Variants in ITFG1 observed in about 807,000 individuals in gnomAD.
The protein encoded by ITFG1 is T-cell immunomodulatory protein.
ITFG1 carries 34 observed loss-of-function variants against 81.8 expected under a neutral mutation model. The observed-to-expected ratio is 0.42, with a 90% CI of 0.32 to 0.55. ITFG1 has a LOEUF of 0.55. ITFG1 is among the 20% of genes least tolerant of loss of function. The probability of loss-of-function intolerance (pLI) is 0.17; values close to 1 mark genes in which losing one functional copy is unlikely to be tolerated. For missense variants in ITFG1, 672 were observed against 755.4 expected, an observed-to-expected ratio of 0.89 and a Z score of 1.29; for synonymous variants, 285 against 270.6, an observed-to-expected ratio of 1.05 and a Z score of -0.52.
intron 8 of ITFG1, among the ~76,000 whole-genome samples, chr16:47,327,470 C>T (rs1173935046): frequency 1.3e-5 from 2 of 152,100 alleles, no homozygotes; most frequent in East Asian, 1.9e-4. Context: ...CCAAAATTGA[C>T]AAATGGGATC....
At chr16:47,454,201 G>C in intron 2 of ITFG1, 43 bp from the exon 3 acceptor site, 1 of 1,475,242 alleles carries the variant, frequency 6.8e-7, no homozygotes, top group Non-Finnish European at 9.3e-7. Context: ...AAGTTGTAAT[G>C]GAAAAGGACA....
intron 10 of ITFG1, among the ~76,000 whole-genome samples, chr16:47,288,656 C>A (rs1200253651): frequency 2.0e-5 from 3 of 151,932 alleles, no homozygotes; most frequent in Non-Finnish European, 2.9e-5. Flanking sequence ...GTCGCTTAGA[C>A]CAAAGGCCAA....
At chr16:47,267,581 C>G (rs374497260) in intron 10 of ITFG1, among the ~76,000 whole-genome samples, 1 of 151,994 alleles carries the variant, frequency 6.6e-6, no homozygotes, top group East Asian at 1.9e-4. Flanking sequence ...GTTTATTGAC[C>G]ACAACCCAGC....
rs111605574 is a variant in ITFG1, at chr16:47,341,256, A to AAAAT, written c.802+24528_802+24531dup. Among the ~76,000 whole-genome samples, 693 of 150,792 alleles carry AAAAT rather than the reference A, an allele frequency of 4.6e-3. 5 individuals carry two copies. The highest frequency in any genetic ancestry group is 0.01 in the African/African-American group (421 of 40,792). ...AAACAAAGCAAGACCCCATCTGTAA[A>AAAAT]AAATAAATAAATAAATAAATAAATA... On this transcript the variant is annotated intron_variant, in intron 8 of 17. Transcript: ENST00000320640.
intron 5 of ITFG1, among the ~76,000 whole-genome samples, chr16:47,439,458 G>A (rs976370862): frequency 6.6e-6 from 1 of 152,152 alleles, no homozygotes; most frequent in Non-Finnish European, 1.5e-5. Flanking sequence ...ACCCACAAAG[G>A]GAAGGCCATC....
chr16:47,310,537 T>A (rs974479189), intron 10 of ITFG1, among the ~76,000 whole-genome samples: 1 of 152,194 alleles, frequency 6.6e-6, no homozygotes, highest in East Asian at 1.9e-4. Flanking sequence ...CTACATTGGT[T>A]TATCTACTGA....
chr16:47,444,834 A>G (rs916455469), intron 5 of ITFG1, among the ~76,000 whole-genome samples: 1 of 152,148 alleles, frequency 6.6e-6, no homozygotes, highest in South Asian at 2.1e-4. Context: ...CCAATTAATG[A>G]TCTGTCCTGG....
At chr16:47,434,296 GC>G (rs1969134663) in intron 5 of ITFG1, among the ~76,000 whole-genome samples, 1 of 151,526 alleles carries the variant, frequency 6.6e-6, no homozygotes, top group African/African-American at 2.4e-5. Context: ...TAAAATGTTT[GC>G]AATCTATCCA....
chr16:47,226,264 C>T (rs1965755763), intron 13 of ITFG1, among the ~76,000 whole-genome samples: 1 of 152,192 alleles, frequency 6.6e-6, no homozygotes, highest in African/African-American at 2.4e-5. Flanking sequence ...GGCTGGAGTG[C>T]AGCGGTGCAA....
At chr16:47,254,914 C>T (rs1184655895) in intron 12 of ITFG1, among the ~76,000 whole-genome samples, 2 of 152,050 alleles carry the variant, frequency 1.3e-5, no homozygotes, top group Non-Finnish European at 2.9e-5. Flanking sequence ...GGCAAAAACT[C>T]GTCTCTACTA....
At chr16:47,279,379 G>T (rs1190896741) in intron 10 of ITFG1, among the ~76,000 whole-genome samples, 1 of 151,778 alleles carries the variant, frequency 6.6e-6, no homozygotes, top group African/African-American at 2.4e-5. Context: ...AATACCATCT[G>T]TTATAAAGAC....
Position 47,155,640 on chromosome 16 carries a change from C to T in ITFG1, c.*79G>A. 1 of 828,884 alleles carries T rather than the reference C, an allele frequency of 1.2e-6. No individual in the cohort carries two copies. Among genetic ancestry groups the T allele is most frequent in the East Asian group, 2.6e-5 (1 of 39,206 alleles). The allele number at this position is 828,884 out of a possible 1,614,324, so 51.3% of individuals were successfully genotyped here. A position where few individuals can be genotyped will look rare whatever the true frequency, so the allele number is the denominator to read the frequency against. Reference sequence around the variant, plus strand: ...ATCATTTATAAATAATATTTAATCTCCCCTATTTTTTCAAGCCAGAATTTG... The same window carrying T: ...ATCATTTATAAATAATATTTAATCTTCCCTATTTTTTCAAGCCAGAATTTG... On this transcript the variant is annotated 3_prime_UTR_variant, in exon 18 of 18. Coordinates refer to ENST00000320640, the MANE Select transcript of ITFG1 (RefSeq NM_030790.5).
Position 47,241,730 on chromosome 16 carries a change from C to T in ITFG1, c.1331-3722G>A, listed in dbSNP as rs948745420. ...CAGCACTTTGGGAGGCCAAGGCAGG[C>T]GGATCACGAGGTCAGGAAATCGAGA... On this transcript the variant is annotated intron_variant, in intron 12 of 17. Transcript: ENST00000320640. Among the ~76,000 whole-genome samples, 8 of 151,964 alleles carry T rather than the reference C, an allele frequency of 5.3e-5. 1 individual carries two copies. The highest frequency in any genetic ancestry group is 2.0e-4 in the Admixed American group (3 of 15,250).
At chr16:47,459,399 G>A (rs1969493490) in intron 1 of ITFG1, among the ~76,000 whole-genome samples, 1 of 152,142 alleles carries the variant, frequency 6.6e-6, no homozygotes, top group Non-Finnish European at 1.5e-5. Flanking sequence ...GATGAACATG[G>A]GAAAAAGCAG....
chr16:47,321,053 T>C (rs1967440615), intron 8 of ITFG1, among the ~76,000 whole-genome samples: 1 of 152,210 alleles, frequency 6.6e-6, no homozygotes, highest in African/African-American at 2.4e-5. Flanking sequence ...TGATTTCTGA[T>C]TACAGAGTAG....
At chr16:47,377,726 C>T (rs745621979) in intron 6 of ITFG1, among the ~76,000 whole-genome samples, 5 of 152,150 alleles carry the variant, frequency 3.3e-5, no homozygotes, top group African/African-American at 9.7e-5. Flanking sequence ...ACCTCTGTCA[C>T]GGCAGTGATT....
intron 5 of ITFG1, among the ~76,000 whole-genome samples, chr16:47,430,542 T>C (rs1259129618): frequency 6.6e-6 from 1 of 152,194 alleles, no homozygotes; most frequent in Non-Finnish European, 1.5e-5. Context: ...GTCATATTTA[T>C]TATCTTTAAT....
intron 5 of ITFG1, among the ~76,000 whole-genome samples, chr16:47,435,703 G>A (rs913895083): frequency 6.6e-6 from 1 of 152,170 alleles, no homozygotes; most frequent in Non-Finnish European, 1.5e-5. Flanking sequence ...GTTCTGGCAT[G>A]AAGAAGAATC....
intron 7 of ITFG1, among the ~76,000 whole-genome samples, chr16:47,373,171 C>T (rs1444635556): frequency 6.6e-6 from 1 of 152,218 alleles, no homozygotes; most frequent in African/African-American, 2.4e-5. Context: ...TTTATACCAT[C>T]TGGATGTGTC....
Sources: allele counts gnomAD v4.1 joint callset (sites outside exome capture counted in the v4.1 genomes callset), GRCh38; gene constraint gnomAD v4.1.1; transcripts MANE v1.5; gene names NCBI Gene and HGNC (gene_info 2026-07-23, HGNC 2026-07-21).